Variants in ZNF35 observed in about 807,000 individuals in gnomAD.
The protein encoded by ZNF35 is zinc finger protein 35 (clone HF.10).
Under a neutral mutation model 45.9 loss-of-function variants are expected in ZNF35, and 31 were observed. The observed-to-expected ratio is 0.68, with a 90% CI of 0.51 to 0.91. ZNF35 has a LOEUF of 0.91. Among genes scored for constraint, ZNF35 ranks in the 40% least tolerant of loss-of-function variants. ZNF35 has a pLI of 0.00. For synonymous variants in ZNF35, 205 were observed against 220.2 expected (o/e 0.93, Z 0.61); for missense variants, 515 against 625.4 (o/e 0.82, Z 1.88).
chr3:44,649,333 C>G (rs1301245752), intron 1 of ZNF35, among the ~76,000 whole-genome samples: 7 of 152,146 alleles, frequency 4.6e-5, no homozygotes, highest in Non-Finnish European at 8.8e-5. Context: ...AGGTTTGTCA[C>G]AGGAATGAAA....
chr3:44,652,526 C>A, intron 2 of ZNF35, 31 bp from the exon 3 acceptor site: 1 of 1,509,300 alleles, frequency 6.6e-7, no homozygotes, highest in South Asian at 1.3e-5. Context: ...ACCACCAGTT[C>A]CCTCTTAAAC....
At position 44,652,513 on chromosome 3, in the gene ZNF35, C is replaced by G. The variant is rs77409670; in HGVS notation, c.193-44C>G. 2.6e-3 allele frequency: 3,872 copies of G among 1,481,184 alleles called. 14 individuals carry two copies. The highest frequency in any genetic ancestry group is 2.7e-3 in the Non-Finnish European group (2,952 of 1,109,928). The allele number at this position is 1,481,184 out of a possible 1,614,324, so 91.8% of individuals were successfully genotyped here. The stretch of plus-strand genomic sequence containing the variant: ...TCTCAAAATTGTAACCACACTACCC[C>G]CTACCACCAGTTCCCTCTTAAACAT... On this transcript the variant is annotated intron_variant, in intron 2 of 3. Coordinates refer to ENST00000396056, the MANE Select transcript of ZNF35 (RefSeq NM_003420.4).
intron 3 of ZNF35, among the ~76,000 whole-genome samples, chr3:44,654,795 TTTAAC>T (rs1345452291): frequency 6.6e-6 from 1 of 152,224 alleles, no homozygotes; most frequent in Non-Finnish European, 1.5e-5. Context: ...GTATTTTTTC[TTTAAC>T]TTATGTTCAG....
Position 44,660,759 on chromosome 3 carries a change from C to CAAA in ZNF35, c.*813_*815dup, listed in dbSNP as rs1331732933. The CAAA allele has an allele frequency of 6.6e-6, 1 of 152,216 alleles. No homozygotes were observed. Among genetic ancestry groups the CAAA allele is most frequent in the Non-Finnish European group, 1.5e-5 (1 of 68,054 alleles). The allele number at this position is 152,216 out of a possible 1,614,324, so 9.4% of individuals were successfully genotyped here. A position where few individuals can be genotyped will look rare whatever the true frequency, so the allele number is the denominator to read the frequency against. On this transcript the variant is annotated 3_prime_UTR_variant, in exon 4 of 4. Transcript: ENST00000396056. ...ACAGCCCCTTCCTGGATGAAGGAGT[C>CAAA]AAAGAATAAAGCTTGCCTAGAGGCA...
intron 1 of ZNF35, among the ~76,000 whole-genome samples, chr3:44,650,577 C>T (rs1157779581): frequency 3.9e-5 from 6 of 152,032 alleles, no homozygotes; most frequent in African/African-American, 1.4e-4. Flanking sequence ...TGGAGATTTT[C>T]CTTTGAAAGA....
intron 3 of ZNF35, among the ~76,000 whole-genome samples, chr3:44,657,905 A>G (rs543055784): frequency 2.0e-5 from 3 of 152,302 alleles, no homozygotes; most frequent in African/African-American, 7.2e-5. Context: ...TCCAGGCAAT[A>G]TCTGAGTAGT....
At chr3:44,656,641 T>G (rs1703311903) in intron 3 of ZNF35, among the ~76,000 whole-genome samples, 1 of 146,350 alleles carries the variant, frequency 6.8e-6, no homozygotes, top group South Asian at 2.2e-4. Context: ...GATCCACCCG[T>G]TTCAGCCTCC....
chr3:44,651,250 G>A lies in ZNF35; in HGVS notation c.183G>A (p.Glu61=), dbSNP rs750380691. The A allele has an allele frequency of 6.2e-7, 1 of 1,611,506 alleles. No homozygotes were observed. Among genetic ancestry groups the A allele is most frequent in the Admixed American group, 1.7e-5 (1 of 59,382 alleles). The change falls in exon 2 of 4, where the codon GAG becomes GAA. Residue 61 remains glutamate (E), a synonymous_variant. Coordinates refer to ENST00000396056, the MANE Select transcript of ZNF35 (RefSeq NM_003420.4). ...GLQTGLDGSE[E]EEKGQNISWD... ...AGACAGGCCTTGATGGATCAGAAGA[G>A]GAAGAAAAGGTAAACGGGGGCCTGA...
chr3:44,649,767 T>C (rs993609300), intron 1 of ZNF35, among the ~76,000 whole-genome samples: 1 of 152,088 alleles, frequency 6.6e-6, no homozygotes, highest in African/African-American at 2.4e-5. Flanking sequence ...AATGGAAATA[T>C]AAACTTTTAC....
intron 3 of ZNF35, among the ~76,000 whole-genome samples, chr3:44,653,613 A>T (rs543008058): frequency 1.3e-5 from 2 of 152,178 alleles, no homozygotes; most frequent in Non-Finnish European, 2.9e-5. Context: ...TGTGCAAATT[A>T]TAGAGGATTT....
chr3:44,651,635 C>G (rs1703203704), intron 2 of ZNF35, among the ~76,000 whole-genome samples: 1 of 152,082 alleles, frequency 6.6e-6, no homozygotes, highest in Non-Finnish European at 1.5e-5. Context: ...CAAGACCAGC[C>G]TGAGCAACAT....
At chr3:44,650,125 T>C (rs1023461096) in intron 1 of ZNF35, among the ~76,000 whole-genome samples, 2 of 152,126 alleles carry the variant, frequency 1.3e-5, no homozygotes, top group African/African-American at 4.8e-5. Flanking sequence ...TAATTCTATA[T>C]ATTTCTGTAT....
chr3:44,646,662 G>A, upstream of ZNF35: 2 of 636,998 alleles, frequency 3.1e-6, no homozygotes, highest in Non-Finnish European at 5.7e-6. Context: ...TCTGCTGTGA[G>A]TTTATTATAC....
At chr3:44,651,375 C>A in intron 2 of ZNF35, 116 bp downstream of exon 2, 1 of 974,554 alleles carries the variant, frequency 1.0e-6, no homozygotes, top group Non-Finnish European at 1.5e-6. Flanking sequence ...GGGTACAATT[C>A]TAGCTTCCAG....
upstream of ZNF35, chr3:44,646,687 GTGTA>G (rs1559479964): frequency 7.1e-6 from 4 of 565,078 alleles, no homozygotes; most frequent in African/African-American, 3.8e-5. Context: ...CTCTGCTTTT[GTGTA>G]TGTATGAAAA....
chr3:44,660,406 G>A lies in ZNF35; in HGVS notation c.*459G>A, dbSNP rs1276752703. On this transcript the variant is annotated 3_prime_UTR_variant, in exon 4 of 4. Coordinates refer to ENST00000396056, the MANE Select transcript of ZNF35 (RefSeq NM_003420.4). ...GGTAAGGAAACCACTTGGGGTAGCA[G>A]TTCAACAATTCACTTACGAATGTTT... is the stretch of plus-strand genomic sequence containing the variant. 1.3e-5 allele frequency: 2 copies of A among 153,702 alleles called. No individual in the cohort carries two copies. Among genetic ancestry groups the A allele is most frequent in the African/African-American group, 2.4e-5 (1 of 41,494 alleles). 9.5% of individuals were successfully genotyped at this position (153,702 alleles called of 1,614,324 possible). A position where few individuals can be genotyped will look rare whatever the true frequency, so the allele number is the denominator to read the frequency against.
chr3:44,651,632 A>C (rs1234140386), intron 2 of ZNF35, among the ~76,000 whole-genome samples: 1 of 152,132 alleles, frequency 6.6e-6, no homozygotes, highest in Non-Finnish European at 1.5e-5. Flanking sequence ...GTTCAAGACC[A>C]GCCTGAGCAA....
upstream of ZNF35, chr3:44,646,697 G>C: frequency 1.8e-6 from 1 of 554,160 alleles, no homozygotes; most frequent in Non-Finnish European, 3.2e-6. Flanking sequence ...GTGTATGTAT[G>C]AAAATTTCGA....
intron 3 of ZNF35, among the ~76,000 whole-genome samples, chr3:44,654,829 A>G (rs1332669732): frequency 6.6e-6 from 1 of 152,302 alleles, no homozygotes; most frequent in Admixed American, 6.5e-5. Flanking sequence ...CAAATTTTAC[A>G]GATTAAATTT....
Sources: allele counts gnomAD v4.1 joint callset (sites outside exome capture counted in the v4.1 genomes callset), GRCh38; gene constraint gnomAD v4.1.1; transcripts MANE v1.5; gene names NCBI Gene and HGNC (gene_info 2026-07-23, HGNC 2026-07-21).